The following HSPB1 variants were observed in gnomAD, a reference collection of about 807,000 sequenced individuals.
HSPB1 encodes the protein heat shock protein family B (small) member 1.
In HSPB1, 19 loss-of-function variants were observed where a neutral mutation model predicts 17.0. That is an observed-to-expected ratio of 1.12 (90% confidence interval 0.78 to 1.64). The LOEUF is 1.64. Among genes scored for constraint, HSPB1 ranks in the 40% most tolerant of loss-of-function variants. HSPB1 has a pLI of 0.00. For synonymous variants in HSPB1, 165 were observed against 129.8 expected (o/e 1.27, Z -1.84); for missense variants, 348 against 289.2 (o/e 1.20, Z -1.47).
rs772118413 is a variant in HSPB1, at chr7:76,303,881, A to G, written c.428+16A>G. On this transcript the variant is annotated intron_variant, in intron 2 of 2. Transcript: ENST00000248553. Reference sequence around the variant, plus strand: ...GGAAATACACGTGAGTCCTGGCGCCAGGTCGGGGTGGGTGGGTGGCGTGGG... The same window carrying G: ...GGAAATACACGTGAGTCCTGGCGCCGGGTCGGGGTGGGTGGGTGGCGTGGG... The G allele has an allele frequency of 2.4e-6, 2 of 823,366 alleles. No individual in the cohort carries two copies. 51.0% of individuals were successfully genotyped at this position (823,366 alleles called of 1,614,324 possible). A position where few individuals can be genotyped will look rare whatever the true frequency, so the allele number is the denominator to read the frequency against.
rs148357753 is a variant in HSPB1 at position 76,304,053 on chromosome 7, G to A, written c.498G>A (p.Glu166=). ...SLSPEGTLTV[E]APMPKLATQS... is the part of the protein sequence containing the mutation. ...CCCCTGAGGGCACACTGACCGTGGAGGCCCCCATGCCCAAGCTAGCCACGC... is the reference window on the plus strand; with the variant it reads ...CCCCTGAGGGCACACTGACCGTGGAAGCCCCCATGCCCAAGCTAGCCACGC... Residue 166 remains glutamate, a synonymous_variant, in exon 3 of 3, where the codon GAG becomes GAA. Coordinates refer to ENST00000248553, the MANE Select transcript of HSPB1 (RefSeq NM_001540.5). 15 of 1,613,826 alleles carry A rather than the reference G, an allele frequency of 9.3e-6. No homozygotes were observed. The East Asian group carries it at 2.7e-4, about 29-fold the overall frequency.
Position 76,302,756 on chromosome 7 carries a change from G to T in HSPB1, c.44G>T (p.Ser15Ile), listed in dbSNP as rs11547163. 6.2e-7 allele frequency: 1 copy of T among 1,606,996 alleles called. No homozygotes were observed. The highest frequency in any genetic ancestry group is 8.5e-7 in the Non-Finnish European group (1 of 1,179,746). ...RVPFSLLRGP[S>I]WDPFRDWYPH... ...CCCTTCTCGCTCCTGCGGGGCCCCA[G>T]CTGGGACCCCTTCCGCGACTGGTAC... The change falls in exon 1 of 3, where the codon AGC becomes ATC. Residue 15 changes from serine to isoleucine, a missense_variant. By Grantham distance (142) the Ser-to-Ile change is moderately radical (BLOSUM62 -2). Coordinates refer to ENST00000248553, the MANE Select transcript of HSPB1 (RefSeq NM_001540.5).
Position 76,302,828 on chromosome 7 carries a change from C to G in HSPB1, c.116C>G (p.Pro39Arg), listed in dbSNP as rs557327165. 12 of 1,605,376 alleles carry G rather than the reference C, an allele frequency of 7.5e-6. No homozygotes were observed. The highest frequency in any genetic ancestry group is 1.3e-5 in the African/African-American group (1 of 74,974). ...FDQAFGLPRL[P>R]EEWSQWLGGS... ...CAGGCCTTCGGGCTGCCCCGGCTGC[C>G]GGAGGAGTGGTCGCAGTGGTTAGGC... The change falls in exon 1 of 3, where the codon CCG becomes CGG. Residue 39 changes from proline to arginine, a missense_variant. Coordinates refer to ENST00000248553, the MANE Select transcript of HSPB1 (RefSeq NM_001540.5).
chr7:76,303,165 GCCTGGGGA>G (rs1312351856), intron 1 of HSPB1, 89 bp downstream of exon 1: 2 of 1,444,270 alleles, frequency 1.4e-6, no homozygotes, highest in Non-Finnish European at 1.8e-6. Flanking sequence ...GGTCCCGGGG[GCCTGGGGA>G]GTTAAACGTT....
In HSPB1 at chr7:76,304,252, T is replaced by G; in HGVS notation, c.*79T>G. On this transcript the variant is annotated 3_prime_UTR_variant, in exon 3 of 3. Coordinates refer to ENST00000248553, the MANE Select transcript of HSPB1 (RefSeq NM_001540.5). Reference sequence around the variant, plus strand: ...CCACCTGTGTGTTCTTTTGATACATTTATCTTCTGTTTTTCTCAAATAAAG... The same window carrying G: ...CCACCTGTGTGTTCTTTTGATACATGTATCTTCTGTTTTTCTCAAATAAAG... 1 of 1,332,118 alleles carries G rather than the reference T, an allele frequency of 7.5e-7. No homozygotes were observed. The highest frequency in any genetic ancestry group is 1.1e-6 in the Non-Finnish European group (1 of 945,984). 82.5% of individuals were successfully genotyped at this position (1,332,118 alleles called of 1,614,324 possible).
chr7:76,304,014 T>C lies in HSPB1; in HGVS notation c.459T>C (p.Val153=), dbSNP rs1803068085. 6.2e-6 allele frequency: 10 copies of C among 1,613,808 alleles called. No homozygotes were observed. The highest frequency in any genetic ancestry group is 7.6e-6 in the Non-Finnish European group (9 of 1,180,000). Residue 153 remains valine (V), a synonymous_variant, in exon 3 of 3, where the codon GTT becomes GTC. Transcript: ENST00000248553. ...CCCCCGGTGTGGACCCCACCCAAGT[T>C]TCCTCCTCCCTGTCCCCTGAGGGCA... is the stretch of plus-strand genomic sequence containing the variant. ...TLPPGVDPTQ[V]SSSLSPEGTL... is the part of the protein sequence containing the mutation.
chr7:76,303,422 G>A (rs971698100), intron 1 of HSPB1: 6 of 470,864 alleles, frequency 1.3e-5, no homozygotes, highest in Non-Finnish European at 1.9e-5. Context: ...AAAGATCATC[G>A]ATGAAGAGAG....
rs758918350 is a variant in HSPB1, at chr7:76,303,839, C to T, written c.402C>T (p.Ile134=). Residue 134 remains isoleucine, a synonymous_variant, in exon 2 of 3, where the codon ATC becomes ATT. Coordinates refer to ENST00000248553, the MANE Select transcript of HSPB1 (RefSeq NM_001540.5). ...HEERQDEHGY[I]SRCFTRKYTL... ...AGCGGCAGGACGAGCATGGCTACAT[C>T]TCCCGGTGCTTCACGCGGAAATACA... The T allele has an allele frequency of 1.9e-6, 3 of 1,610,742 alleles. No individual in the cohort carries two copies. The highest frequency in any genetic ancestry group is 3.3e-5 in the Admixed American group (2 of 59,880).
In HSPB1 at chr7:76,302,846, G is replaced by A. The variant is rs753747742; in HGVS notation, c.134G>A (p.Trp45Ter). The A allele has an allele frequency of 1.3e-6, 2 of 1,598,612 alleles. No individual in the cohort carries two copies. The highest frequency in any genetic ancestry group is 8.5e-7 in the Non-Finnish European group (1 of 1,176,018). Residue 45 changes from tryptophan to a stop codon, truncating the protein, a stop_gained, in exon 1 of 3, where the codon TGG becomes TAG. Coordinates refer to ENST00000248553, the MANE Select transcript of HSPB1 (RefSeq NM_001540.5). LOFTEE classifies it high-confidence loss of function. ...LPRLPEEWSQ[W>*]LGGSSWPGYV... ...CGGCTGCCGGAGGAGTGGTCGCAGTGGTTAGGCGGCAGCAGCTGGCCAGGC... is the reference window on the plus strand; with the variant it reads ...CGGCTGCCGGAGGAGTGGTCGCAGTAGTTAGGCGGCAGCAGCTGGCCAGGC...
chr7:76,303,648 G>C, intron 1 of HSPB1, 154 bp from the exon 2 acceptor site: 1 of 658,400 alleles, frequency 1.5e-6, no homozygotes, highest in Non-Finnish European at 2.8e-6. Context: ...TGAGAGCCCA[G>C]ACCGGCGGGC....
chr7:76,303,334 C>A, intron 1 of HSPB1: 1 of 530,678 alleles, frequency 1.9e-6, no homozygotes, highest in Non-Finnish European at 3.3e-6. Flanking sequence ...TCAAGACTAG[C>A]CTGGGCAACA....
chr7:76,303,866 G>T lies in HSPB1; in HGVS notation c.428+1G>T. ...CCCGGTGCTTCACGCGGAAATACAC[G>T]TGAGTCCTGGCGCCAGGTCGGGGTG... On this transcript the variant is annotated splice_donor_variant, in intron 2 of 2. Coordinates refer to ENST00000248553, the MANE Select transcript of HSPB1 (RefSeq NM_001540.5). LOFTEE classifies it high-confidence loss of function. 6.2e-7 allele frequency: 1 copy of T among 1,600,670 alleles called. No individual in the cohort carries two copies. Among genetic ancestry groups the T allele is most frequent in the Non-Finnish European group, 8.5e-7 (1 of 1,170,262 alleles).
At chr7:76,303,166 C>G in intron 1 of HSPB1, 90 bp downstream of exon 1, 1 of 1,438,274 alleles carries the variant, frequency 7.0e-7, no homozygotes, top group Non-Finnish European at 9.3e-7. Flanking sequence ...GTCCCGGGGG[C>G]CTGGGGAGTT....
Position 76,303,870 on chromosome 7 carries a change from G to T in HSPB1, c.428+5G>T, listed in dbSNP as rs1169656002. ...GTGCTTCACGCGGAAATACACGTGA[G>T]TCCTGGCGCCAGGTCGGGGTGGGTG... On this transcript the variant is annotated splice_donor_5th_base_variant and intron_variant, in intron 2 of 2. Coordinates refer to ENST00000248553, the MANE Select transcript of HSPB1 (RefSeq NM_001540.5). The T allele has an allele frequency of 6.2e-7, 1 of 1,604,106 alleles. No homozygotes were observed. Among genetic ancestry groups the T allele is most frequent in the African/African-American group, 1.3e-5 (1 of 74,594 alleles).
chr7:76,303,208 C>A (rs1460296285), intron 1 of HSPB1, 132 bp downstream of exon 1: 2 of 1,090,418 alleles, frequency 1.8e-6, no homozygotes, highest in Non-Finnish European at 2.6e-6. Context: ...AAAAACAGGA[C>A]TCCTGATTCC....
chr7:76,303,638 T>C, intron 1 of HSPB1, 164 bp from the exon 2 acceptor site: 1 of 649,144 alleles, frequency 1.5e-6, no homozygotes, highest in Non-Finnish European at 2.8e-6. Flanking sequence ...CGGAAGTTTC[T>C]GAGAGCCCAG....
At position 76,304,185 on chromosome 7, in the gene HSPB1, G is replaced by GGA. The variant is rs1382504028; in HGVS notation, c.*13_*14dup. 2 of 1,604,482 alleles carry GGA rather than the reference G, an allele frequency of 1.2e-6. No homozygotes were observed. Among genetic ancestry groups the GGA allele is most frequent in the Non-Finnish European group, 8.5e-7 (1 of 1,175,882 alleles). On this transcript the variant is annotated 3_prime_UTR_variant, in exon 3 of 3. Coordinates refer to ENST00000248553, the MANE Select transcript of HSPB1 (RefSeq NM_001540.5). ...CTGCCGCCAAGTAAAGCCTTAGCCC[G>GGA]GATGCCCACCCCTGCTGCCGCCACT...
rs1416145369 is a variant in HSPB1 at position 76,304,132 on chromosome 7, G to T, written c.577G>T (p.Gly193Cys). Residue 193 changes from glycine to cysteine, a missense_variant, in exon 3 of 3, where the codon GGC becomes TGC. Transcript: ENST00000248553. ...CTTCGAGTCGCGGGCCCAGCTTGGG[G>T]GCCCAGAAGCTGCAAAATCCGATGA... ...VTFESRAQLG[G>C]PEAAKSDETA... 6.2e-7 allele frequency: 1 copy of T among 1,612,536 alleles called. No individual in the cohort carries two copies. The highest frequency in any genetic ancestry group is 1.3e-5 in the African/African-American group (1 of 74,868).
chr7:76,303,699 C>T (rs1803054868), intron 1 of HSPB1, 103 bp from the exon 2 acceptor site: 1 of 922,950 alleles, frequency 1.1e-6, no homozygotes, highest in African/African-American at 1.6e-5. Flanking sequence ...CCCTACCAGC[C>T]TGCAGTCCTG....
Sources: gnomAD v4.1 joint callset for allele counts on GRCh38, gnomAD v4.1.1 for gene constraint, MANE v1.5 for transcripts, NCBI Gene and HGNC (gene_info 2026-07-23, HGNC 2026-07-21) for gene names.